The following VAV3 variants were observed in gnomAD, a reference collection of about 807,000 sequenced individuals.
VAV3 encodes the protein guanine nucleotide exchange factor VAV3.
Under a neutral mutation model 131.2 loss-of-function variants are expected in VAV3, and 94 were observed. That is an observed-to-expected ratio of 0.72 (90% CI 0.61 to 0.85). VAV3 has a LOEUF of 0.85. Ranked by LOEUF, VAV3 falls within the 40% of genes least tolerant of loss-of-function variation. The pLI, the probability that VAV3 is intolerant of heterozygous loss-of-function variation, is 0.00. For synonymous variants in VAV3, 349 were observed against 342.0 expected (o/e 1.02, Z -0.22); for missense variants, 939 against 1,002.7 (o/e 0.94, Z 0.86).
intron 2 of VAV3, among the ~76,000 whole-genome samples, chr1:107,782,948 T>C (rs1385223137): frequency 2.0e-5 from 3 of 152,228 alleles, no homozygotes; most frequent in Non-Finnish European, 2.9e-5. Context: ...AATTCTGAGA[T>C]ACATTAACTC....
At chr1:107,837,557 CA>C (rs377425556) in intron 2 of VAV3, among the ~76,000 whole-genome samples, 190 of 152,040 alleles carry the variant, frequency 1.2e-3, no homozygotes, top group African/African-American at 4.2e-3. Flanking sequence ...CATATGGAAC[CA>C]AAAAAGAGCC....
At chr1:107,629,898 A>G (rs1444576725) in intron 20 of VAV3, among the ~76,000 whole-genome samples, 1 of 152,214 alleles carries the variant, frequency 6.6e-6, no homozygotes, top group African/African-American at 2.4e-5. Context: ...GGAAAACATG[A>G]CAGTCTACTA....
chr1:107,783,121 A>T (rs1413798394), intron 2 of VAV3, among the ~76,000 whole-genome samples: 2 of 152,180 alleles, frequency 1.3e-5, no homozygotes, highest in African/African-American at 4.8e-5. Context: ...GGATAGCATA[A>T]ATAAGAGCTA....
chr1:107,715,711 C>G (rs576252296), intron 15 of VAV3, among the ~76,000 whole-genome samples: 5 of 152,280 alleles, frequency 3.3e-5, no homozygotes, highest in African/African-American at 9.6e-5. Flanking sequence ...GGGGAGGTCT[C>G]AAAGTTCTGT....
At chr1:107,580,832 A>C (rs1649989988) in intron 25 of VAV3, among the ~76,000 whole-genome samples, 1 of 152,212 alleles carries the variant, frequency 6.6e-6, no homozygotes, top group African/African-American at 2.4e-5. Flanking sequence ...AACCTGTAAA[A>C]TATATTTCCA....
At chr1:107,825,597 T>C (rs552638407) in intron 2 of VAV3, among the ~76,000 whole-genome samples, 3 of 152,248 alleles carry the variant, frequency 2.0e-5, no homozygotes, top group East Asian at 3.9e-4. Flanking sequence ...CCTACATAAA[T>C]ATTCTGTCAA....
chr1:107,849,078 C>G (rs1267864843), intron 2 of VAV3, among the ~76,000 whole-genome samples: 1 of 152,048 alleles, frequency 6.6e-6, no homozygotes, highest in Non-Finnish European at 1.5e-5. Flanking sequence ...AAAGAGGACA[C>G]AAACAAATGG....
At chr1:107,928,214 G>A (rs1327262267) in intron 1 of VAV3, among the ~76,000 whole-genome samples, 1 of 152,110 alleles carries the variant, frequency 6.6e-6, no homozygotes, top group Non-Finnish European at 1.5e-5. Context: ...TGGGTTTGGG[G>A]TGCCTCCTAA....
intron 1 of VAV3, among the ~76,000 whole-genome samples, chr1:107,933,230 T>C (rs1201690677): frequency 6.6e-6 from 1 of 152,068 alleles, no homozygotes; most frequent in African/African-American, 2.4e-5. Flanking sequence ...AATACTCATA[T>C]TTGCCAGAGG....
intron 15 of VAV3, among the ~76,000 whole-genome samples, chr1:107,709,328 T>C (rs1448082451): frequency 1.3e-5 from 2 of 152,310 alleles, no homozygotes; most frequent in Non-Finnish European, 1.5e-5. Context: ...AGAAAAAATA[T>C]GCTTTTACTG....
intron 6 of VAV3, 52 bp downstream of exon 6, chr1:107,770,584 T>C (rs1488358330): frequency 1.8e-6 from 2 of 1,112,024 alleles, no homozygotes; most frequent in African/African-American, 3.1e-5. Context: ...GTCTAATATA[T>C]TAACTATATT....
At chr1:107,884,343 T>C (rs941976382) in intron 1 of VAV3, among the ~76,000 whole-genome samples, 3 of 151,048 alleles carry the variant, frequency 2.0e-5, no homozygotes, top group African/African-American at 4.9e-5. Flanking sequence ...TGTACCAAAA[T>C]AGCTCATGTA....
At chr1:107,652,286 T>C (rs1570689058) in intron 19 of VAV3, among the ~76,000 whole-genome samples, 1 of 152,142 alleles carries the variant, frequency 6.6e-6, no homozygotes, top group Admixed American at 6.6e-5. Context: ...GTCAGGAAGA[T>C]ACCCTACATG....
At chr1:107,693,537 G>C (rs958500745) in intron 17 of VAV3, among the ~76,000 whole-genome samples, 1 of 152,110 alleles carries the variant, frequency 6.6e-6, no homozygotes, top group African/African-American at 2.4e-5. Context: ...TATAGAGCAT[G>C]AAATATAGAA....
At chr1:107,775,057 T>G (rs1231877455) in intron 4 of VAV3, among the ~76,000 whole-genome samples, 1 of 152,106 alleles carries the variant, frequency 6.6e-6, no homozygotes, top group East Asian at 1.9e-4. Context: ...TGCAAATACA[T>G]TCGGACCTTC....
At chr1:107,925,883 AATATATAACATATATGATAT>A (rs1673128248) in intron 1 of VAV3, among the ~76,000 whole-genome samples, 2 of 102,896 alleles carry the variant, frequency 1.9e-5, no homozygotes, top group Admixed American at 2.4e-4. Flanking sequence ...GTCACATATA[AATATATAACATATATGATAT>A]ATATGTTACA....
chr1:107,701,529 TTTCCCCA>T (rs138981551), intron 17 of VAV3, among the ~76,000 whole-genome samples: 84,632 of 151,726 alleles, frequency 0.56, 24,612 homozygotes, highest in Non-Finnish European at 0.63. Context: ...CTGGAGACAT[TTTCCCCA>T]TTGTCTTGGC....
Position 107,795,536 on chromosome 1 carries a change from G to GA in VAV3, c.322-16045dup, listed in dbSNP as rs897753492. Among the ~76,000 whole-genome samples the GA allele has an allele frequency of 1.4e-3, 213 of 151,658 alleles. 2 individuals are homozygous for GA. The highest frequency in any genetic ancestry group is 3.5e-3 in the African/African-American group (145 of 41,334). On this transcript the variant is annotated intron_variant, in intron 2 of 26. Coordinates refer to ENST00000370056, the MANE Select transcript of VAV3 (RefSeq NM_006113.5). ...CTTAACCTATCTCCCCTCCCCCCAG[G>GA]AAAAAAAATGAATGCCCTGTCAAAA...
intron 20 of VAV3, among the ~76,000 whole-genome samples, chr1:107,637,047 G>A (rs1458081207): frequency 6.6e-6 from 1 of 152,092 alleles, no homozygotes; most frequent in African/African-American, 2.4e-5. Context: ...CCAAAATCTG[G>A]TTCTATTAGA....
Sources: allele counts gnomAD v4.1 joint callset (sites outside exome capture counted in the v4.1 genomes callset), GRCh38; gene constraint gnomAD v4.1.1; transcripts MANE v1.5; gene names NCBI Gene and HGNC (gene_info 2026-07-23, HGNC 2026-07-21).